GATA4: variants seen among roughly 807,000 people sequenced by gnomAD.
The protein encoded by GATA4 is transcription factor GATA-4.
GATA4 carries 7 observed loss-of-function variants against 37.9 expected under a neutral mutation model. The observed-to-expected ratio is 0.18, with a 90% confidence interval of 0.11 to 0.35. The LOEUF is 0.35. Ranked by LOEUF, GATA4 falls within the 10% of genes least tolerant of loss-of-function variation. The pLI, the probability that GATA4 is intolerant of heterozygous loss-of-function variation, is 1.00. For missense variants in GATA4, 647 were observed against 653.0 expected, an observed-to-expected ratio of 0.99 and a Z score of 0.10; for synonymous variants, 372 against 292.6, an observed-to-expected ratio of 1.27 and a Z score of -2.77.
rs115192884 is a variant in GATA4 at position 11,722,457 on chromosome 8, A to G, written c.616+13529A>G. On this transcript the variant is annotated intron_variant, in intron 2 of 6. Coordinates refer to ENST00000532059, the MANE Select transcript of GATA4 (RefSeq NM_001308093.3). ...TCATTCAATATCCAGTCACTGTTCA[A>G]TTTCCCAGTTTGTCTAATTGTCTTT... is the stretch of plus-strand genomic sequence containing the variant. Among the ~76,000 whole-genome samples, 363 of 152,320 alleles carry G rather than the reference A, an allele frequency of 2.4e-3. 2 individuals carry two copies. Among genetic ancestry groups the G allele is most frequent in the Middle Eastern group, 6.8e-3 (2 of 294 alleles).
At chr8:11,705,785 G>A (rs565335338) in intron 1 of GATA4, 1 of 152,328 alleles carries the variant, frequency 6.6e-6, no homozygotes, top group South Asian at 2.1e-4. Context: ...AAAAGGCAGA[G>A]AATGTGATAA....
chr8:11,743,572 G>A (rs548524000), intron 2 of GATA4, among the ~76,000 whole-genome samples: 10 of 152,362 alleles, frequency 6.6e-5, no homozygotes, highest in Non-Finnish European at 1.0e-4. Context: ...GAGCGGAACC[G>A]TGACCCTGGC....
chr8:11,733,913 A>C (rs1051343751), intron 2 of GATA4, among the ~76,000 whole-genome samples: 1 of 152,234 alleles, frequency 6.6e-6, no homozygotes, highest in Non-Finnish European at 1.5e-5. Flanking sequence ...ATTAAGAGCC[A>C]TTACGTGGTT....
intron 2 of GATA4, among the ~76,000 whole-genome samples, chr8:11,737,143 C>G (rs1177661377): frequency 3.3e-5 from 5 of 151,928 alleles, no homozygotes; most frequent in Non-Finnish European, 5.9e-5. Context: ...AAGTAATCCC[C>G]CAGACACCCC....
rs150039623 is a variant in GATA4 at position 11,733,090 on chromosome 8, C to G, written c.617-15826C>G. On this transcript the variant is annotated intron_variant, in intron 2 of 6. Transcript: ENST00000532059. ...TAAAATACTGGTCAACTTCACTAAA[C>G]AAATGTAAATTCCCTGTGGAGGGAG... is the stretch of plus-strand genomic sequence containing the variant. Among the ~76,000 whole-genome samples, 14 of 152,226 alleles carry G rather than the reference C, an allele frequency of 9.2e-5. No homozygotes were observed. In the East Asian group the frequency reaches 2.7e-3, roughly 29 times the overall value.
At chr8:11,750,015 C>A in intron 3 of GATA4, 96 bp from the exon 4 acceptor site, 1 of 1,580,938 alleles carries the variant, frequency 6.3e-7, no homozygotes, top group Non-Finnish European at 8.6e-7. Context: ...AGCCCTGCCT[C>A]CCGTTAGGGA....
intron 4 of GATA4, among the ~76,000 whole-genome samples, chr8:11,754,391 AC>A (rs1802451404): frequency 6.6e-6 from 1 of 151,920 alleles, no homozygotes; most frequent in South Asian, 2.1e-4. Flanking sequence ...TAATTTTAAA[AC>A]TTTTTTGTAG....
intron 2 of GATA4, among the ~76,000 whole-genome samples, chr8:11,742,409 CCTTTCA>C (rs1406346504): frequency 7.5e-6 from 1 of 134,224 alleles, no homozygotes; most frequent in Admixed American, 7.8e-5. Context: ...TTTCCCTTTC[CCTTTCA>C]CAATGTCCTT....
At chr8:11,755,901 CCT>C (rs1320236839) in intron 5 of GATA4, among the ~76,000 whole-genome samples, 3 of 133,546 alleles carry the variant, frequency 2.2e-5, no homozygotes, top group African/African-American at 9.4e-5. Context: ...AGAGCAAGAC[CCT>C]GTCTTTAAAA....
chr8:11,730,313 C>T (rs1390703257), intron 2 of GATA4, among the ~76,000 whole-genome samples: 5 of 152,134 alleles, frequency 3.3e-5, no homozygotes, highest in South Asian at 2.1e-4. Flanking sequence ...AGTGGGCTTG[C>T]CTAGGCTTTC....
At chr8:11,750,815 T>C (rs951855974) in intron 4 of GATA4, among the ~76,000 whole-genome samples, 1 of 144,196 alleles carries the variant, frequency 6.9e-6, no homozygotes, top group African/African-American at 2.6e-5. Context: ...GGCATGGTGG[T>C]GCATGCCTCT....
chr8:11,701,073 G>A (rs184224146), upstream of GATA4, among the ~76,000 whole-genome samples: 1 of 152,112 alleles, frequency 6.6e-6, no homozygotes, highest in Non-Finnish European at 1.5e-5. Context: ...CGTACAATTT[G>A]CCTCTTCTGG....
chr8:11,700,227 G>T (rs760391149), upstream of GATA4, among the ~76,000 whole-genome samples: 5 of 152,262 alleles, frequency 3.3e-5, no homozygotes, highest in Non-Finnish European at 5.9e-5. Context: ...CTCAGGGCTG[G>T]AAGCACCAGG....
intron 2 of GATA4, among the ~76,000 whole-genome samples, chr8:11,738,382 A>G (rs181707051): frequency 6.6e-6 from 1 of 152,238 alleles, no homozygotes; most frequent in East Asian, 1.9e-4. Flanking sequence ...AAATCCATGT[A>G]TAGATTCTTC....
In GATA4 at chr8:11,706,198, A is replaced by G. The variant is rs570843686; in HGVS notation, c.-457-1658A>G. ...AGCAAATAAGCTTTTAGGAGTTACCATGTGACTATATAATACAATACAGTA... is the reference window on the plus strand; with the variant it reads ...AGCAAATAAGCTTTTAGGAGTTACCGTGTGACTATATAATACAATACAGTA... On this transcript the variant is annotated intron_variant, in intron 1 of 6. Coordinates refer to ENST00000532059, the MANE Select transcript of GATA4 (RefSeq NM_001308093.3). Among the ~76,000 whole-genome samples, 6 of 152,362 alleles carry G rather than the reference A, an allele frequency of 3.9e-5. No individual in the cohort carries two copies. The East Asian group carries it at 5.8e-4, about 15-fold the overall frequency.
upstream of GATA4, among the ~76,000 whole-genome samples, chr8:11,701,937 G>T (rs528398710): frequency 6.6e-6 from 1 of 152,288 alleles, no homozygotes; most frequent in South Asian, 2.1e-4. Flanking sequence ...TTGCAAGCAA[G>T]CACCCAGCAA....
At chr8:11,724,247 C>A (rs1800810801) in intron 2 of GATA4, among the ~76,000 whole-genome samples, 1 of 152,114 alleles carries the variant, frequency 6.6e-6, no homozygotes. Flanking sequence ...TGCCCATTGA[C>A]CATTGTGAAT....
At chr8:11,732,256 G>T (rs1305569204) in intron 2 of GATA4, among the ~76,000 whole-genome samples, 1 of 152,170 alleles carries the variant, frequency 6.6e-6, no homozygotes, top group Non-Finnish European at 1.5e-5. Flanking sequence ...TAAGATGTCT[G>T]CCAAGTAAGT....
intron 2 of GATA4, among the ~76,000 whole-genome samples, chr8:11,729,716 A>G (rs912953600): frequency 6.6e-6 from 1 of 152,158 alleles, no homozygotes; most frequent in African/African-American, 2.4e-5. Flanking sequence ...ATGATGCAAA[A>G]TTGTGTTCGC....
Sources: allele counts gnomAD v4.1 joint callset (sites outside exome capture counted in the v4.1 genomes callset), GRCh38; gene constraint gnomAD v4.1.1; transcripts MANE v1.5; gene names NCBI Gene and HGNC (gene_info 2026-07-23, HGNC 2026-07-21).